The following SRPK2 variants were observed in gnomAD, a reference collection of about 807,000 sequenced individuals.
The protein encoded by SRPK2 is SFRS protein kinase 2.
A neutral mutation model predicts 90.8 loss-of-function variants in SRPK2; 21 were observed. The ratio of observed to expected loss-of-function variants is 0.23; its 90% CI spans 0.16 to 0.33. The LOEUF is 0.33. Ranked by LOEUF, SRPK2 falls within the 10% of genes least tolerant of loss-of-function variation. The pLI is 1.00. For missense variants in SRPK2, 620 were observed against 869.0 expected, an observed-to-expected ratio of 0.71 and a Z score of 3.60; for synonymous variants, 288 against 311.1, an observed-to-expected ratio of 0.93 and a Z score of 0.78.
chr7:105,151,548 C>A (rs1294619521), intron 7 of SRPK2, among the ~76,000 whole-genome samples: 1 of 152,166 alleles, frequency 6.6e-6, no homozygotes, highest in Non-Finnish European at 1.5e-5. Context: ...AAATTAATTT[C>A]TTTTTAGAGA....
intron 2 of SRPK2, among the ~76,000 whole-genome samples, chr7:105,386,708 ACT>A (rs1331693606): frequency 6.6e-6 from 1 of 152,190 alleles, no homozygotes; most frequent in African/African-American, 2.4e-5. Context: ...CAAGAGCGAA[ACT>A]CTGCCTCAAA....
intron 1 of SRPK2, among the ~76,000 whole-genome samples, chr7:105,396,712 G>A (rs539039836): frequency 6.7e-6 from 1 of 150,098 alleles, no homozygotes; most frequent in Non-Finnish European, 1.5e-5. Context: ...AGGAGGAAGG[G>A]GAGGGGGAGG....
At chr7:105,128,994 G>A (rs575032665) in intron 13 of SRPK2, among the ~76,000 whole-genome samples, 13 of 152,032 alleles carry the variant, frequency 8.6e-5, no homozygotes, top group East Asian at 1.9e-4. Context: ...TTTTTGAGAC[G>A]GAGTCTCGCT....
At chr7:105,242,100 T>C (rs1800887975) in intron 2 of SRPK2, among the ~76,000 whole-genome samples, 1 of 152,232 alleles carries the variant, frequency 6.6e-6, no homozygotes. Context: ...GCAGGCAACA[T>C]TTCTAAGTCT....
chr7:105,309,228 G>T (rs1003640536), intron 2 of SRPK2, among the ~76,000 whole-genome samples: 2 of 149,444 alleles, frequency 1.3e-5, no homozygotes, highest in African/African-American at 2.5e-5. Context: ...TTTGCTGAAG[G>T]TTACAAGAAA....
At chr7:105,272,202 A>C (rs1805919363) in intron 2 of SRPK2, among the ~76,000 whole-genome samples, 1 of 152,184 alleles carries the variant, frequency 6.6e-6, no homozygotes, top group African/African-American at 2.4e-5. Context: ...ATACATTTAG[A>C]CCAGTGAGTG....
At chr7:105,362,097 G>C (rs1041930956) in intron 2 of SRPK2, among the ~76,000 whole-genome samples, 2 of 151,950 alleles carry the variant, frequency 1.3e-5, no homozygotes, top group Non-Finnish European at 2.9e-5. Flanking sequence ...CTAATATCCA[G>C]AATCTACAAA....
rs1396820348 is a variant in SRPK2 at position 105,116,784 on chromosome 7, G to A, written c.*1054C>T. On this transcript the variant is annotated 3_prime_UTR_variant, in exon 16 of 16. Transcript: ENST00000393651. ...AAAATTTGTTGTAGCCACACGTAAA[G>A]CTACCTATGGAATGAATGTGATCAC... is the stretch of plus-strand genomic sequence containing the variant. The A allele has an allele frequency of 6.6e-6, 1 of 152,360 alleles. No individual in the cohort carries two copies. Among genetic ancestry groups the A allele is most frequent in the Non-Finnish European group, 1.5e-5 (1 of 68,024 alleles). 9.4% of individuals were successfully genotyped at this position (152,360 alleles called of 1,614,324 possible).
At chr7:105,248,839 C>T (rs904969260) in intron 2 of SRPK2, among the ~76,000 whole-genome samples, 18 of 150,268 alleles carry the variant, frequency 1.2e-4, no homozygotes, top group African/African-American at 2.7e-4. Flanking sequence ...GGCAGGAGAA[C>T]GGCGTGAACC....
intron 2 of SRPK2, among the ~76,000 whole-genome samples, chr7:105,299,479 G>C (rs559014695): frequency 6.6e-6 from 1 of 152,254 alleles, no homozygotes; most frequent in South Asian, 2.1e-4. Context: ...ATTAGCAAAA[G>C]AAACATTAAG....
intron 3 of SRPK2, among the ~76,000 whole-genome samples, chr7:105,196,282 C>G (rs532643576): frequency 2.0e-5 from 3 of 152,290 alleles, no homozygotes; most frequent in African/African-American, 7.2e-5. Context: ...AATTAAGTAT[C>G]TGTGCAGCAT....
chr7:105,362,286 C>T (rs1473472237), intron 2 of SRPK2, among the ~76,000 whole-genome samples: 2 of 152,152 alleles, frequency 1.3e-5, no homozygotes, highest in African/African-American at 2.4e-5. Context: ...GATACCATCT[C>T]ACACCAGTTA....
At chr7:105,213,114 C>A (rs972390692) in intron 2 of SRPK2, among the ~76,000 whole-genome samples, 4 of 152,094 alleles carry the variant, frequency 2.6e-5, no homozygotes, top group Non-Finnish European at 5.9e-5. Flanking sequence ...CCCACAAATA[C>A]CTAAGGACAA....
chr7:105,203,019 G>C (rs1372914089), intron 3 of SRPK2, among the ~76,000 whole-genome samples: 1 of 152,132 alleles, frequency 6.6e-6, no homozygotes, highest in Non-Finnish European at 1.5e-5. Flanking sequence ...GGCAGGATCT[G>C]GTTCTGCCGC....
chr7:105,317,829 G>A (rs1443892978), intron 2 of SRPK2, among the ~76,000 whole-genome samples: 2 of 152,100 alleles, frequency 1.3e-5, no homozygotes, highest in East Asian at 3.9e-4. Flanking sequence ...AGTCACTGTA[G>A]CCTCAACCTC....
At chr7:105,140,292 A>G (rs1254941413) in intron 11 of SRPK2, among the ~76,000 whole-genome samples, 1 of 152,180 alleles carries the variant, frequency 6.6e-6, no homozygotes, top group Non-Finnish European at 1.5e-5. Context: ...TACTTGCAAA[A>G]TAAGTATGAA....
At chr7:105,187,772 T>C (rs906800145) in intron 3 of SRPK2, among the ~76,000 whole-genome samples, 5 of 152,106 alleles carry the variant, frequency 3.3e-5, no homozygotes, top group Non-Finnish European at 7.3e-5. Flanking sequence ...ATGCGTGGTG[T>C]AGTAAGCAGA....
chr7:105,294,374 C>G lies in SRPK2; in HGVS notation c.72-90589G>C, dbSNP rs376492802. On this transcript the variant is annotated intron_variant, in intron 2 of 15. Transcript: ENST00000393651. ...CCAATAAAATTTTGTCGATCCAGTT[C>G]CCTAAACCGTCTCTTCAGAGGTTTT... Among the ~76,000 whole-genome samples, 144 of 152,284 alleles carry G rather than the reference C, an allele frequency of 9.5e-4. 1 individual carries two copies. The highest frequency in any genetic ancestry group is 3.4e-3 in the African/African-American group (140 of 41,556).
At position 105,214,056 on chromosome 7, in the gene SRPK2, G is replaced by T. The variant is rs148382303; in HGVS notation, c.72-10271C>A. Among the ~76,000 whole-genome samples, 879 of 152,264 alleles carry T rather than the reference G, an allele frequency of 5.8e-3. 15 individuals are homozygous for T. The highest frequency in any genetic ancestry group is 0.02 in the African/African-American group (841 of 41,532). ...GCAACAAGACAAATTAATTAAAATG[G>T]AATAAAATTAAAAATTCAGTCATCC... On this transcript the variant is annotated intron_variant, in intron 2 of 15. Coordinates refer to ENST00000393651, the MANE Select transcript of SRPK2 (RefSeq NM_182692.3).
Sources: allele counts gnomAD v4.1 joint callset (sites outside exome capture counted in the v4.1 genomes callset), GRCh38; gene constraint gnomAD v4.1.1; transcripts MANE v1.5; gene names NCBI Gene and HGNC (gene_info 2026-07-23, HGNC 2026-07-21).